The following DST variants were observed in gnomAD, a reference collection of about 807,000 sequenced individuals.
DST encodes dystonin, also known as bullous pemphigoid antigen.
DST carries 253 observed loss-of-function variants against 875.2 expected under a neutral mutation model. The ratio of observed to expected loss-of-function variants is 0.29; its 90% CI spans 0.26 to 0.32. DST has a LOEUF of 0.32. Ranked by LOEUF, DST falls within the 10% of genes least tolerant of loss-of-function variation. The pLI is 1.00. For synonymous variants in DST, 3,124 were observed against 3,197.1 expected (o/e 0.98, Z 0.77); for missense variants, 8,287 against 9,111.6 (o/e 0.91, Z 3.68).
chr6:56,615,164 TTTAATAAA>T (rs1229714426), intron 36 of DST: 1 of 1,091,086 alleles, frequency 9.2e-7, no homozygotes, highest in Non-Finnish European at 1.1e-6. Flanking sequence ...CAATTTATCA[TTTAATAAA>T]TGATCACTAT....
In DST at chr6:56,604,135, G is replaced by A. The variant is rs2098472590; in HGVS notation, c.10493C>T (p.Ala3498Val). 2 of 1,582,740 alleles carry A rather than the reference G, an allele frequency of 1.3e-6. No homozygotes were observed. Among genetic ancestry groups the A allele is most frequent in the Admixed American group, 3.6e-5 (2 of 54,812 alleles). ...QLENIFYKLL[A>V]DGYSEKIEHV... is the part of the protein sequence containing the mutation. ...TTCTATTTTCTCTGAATATCCATCA[G>A]CAAGCAGTTTGTAGAAAATATTTTC... Residue 3498 changes from alanine to valine, a missense_variant, in exon 40 of 104, where the codon GCT (alanine) becomes GTT (valine). Physicochemically the swap from Ala to Val is moderately conservative, Grantham distance 64 (BLOSUM62 0). Around this residue, in one of 10 missense-constraint regions of DST, gnomAD observed 3,138 missense variants for 3,116.6 expected, o/e 1.01. Coordinates refer to ENST00000680361, the MANE Select transcript of DST (RefSeq NM_001374736.1).
intron 9 of DST, among the ~76,000 whole-genome samples, chr6:56,696,732 T>C (rs541002123): frequency 2.0e-5 from 3 of 152,336 alleles, no homozygotes; most frequent in Non-Finnish European, 2.9e-5. Context: ...TTGTGGTCTC[T>C]AGTGGCATTT....
chr6:56,750,492 A>T (rs2099584006), intron 4 of DST, among the ~76,000 whole-genome samples: 1 of 152,194 alleles, frequency 6.6e-6, no homozygotes, highest in Admixed American at 6.5e-5. Context: ...TTTATTGCCT[A>T]CTATGAGAAG....
intron 4 of DST, among the ~76,000 whole-genome samples, chr6:56,792,947 T>C (rs926548750): frequency 7.9e-5 from 12 of 151,704 alleles, no homozygotes; most frequent in Admixed American, 6.6e-5. Flanking sequence ...CATGTACCTG[T>C]AGTCCCAGCT....
chr6:56,567,428 G>GT (rs1489100594), intron 55 of DST, among the ~76,000 whole-genome samples: 4 of 74,398 alleles, frequency 5.4e-5, no homozygotes, highest in Non-Finnish European at 8.1e-5. Context: ...GTTACCAAGA[G>GT]TAAAAAAAAA....
chr6:56,582,118 T>C (rs990417617), intron 49 of DST, among the ~76,000 whole-genome samples: 1 of 152,224 alleles, frequency 6.6e-6, no homozygotes, highest in Non-Finnish European at 1.5e-5. Context: ...CCTAACTGTG[T>C]TAGATCCTGC....
At chr6:56,880,077 A>G (rs1379905186) in intron 3 of DST, among the ~76,000 whole-genome samples, 1 of 152,258 alleles carries the variant, frequency 6.6e-6, no homozygotes, top group Non-Finnish European at 1.5e-5. Context: ...GATATGTAAC[A>G]TACAACCCAA....
At chr6:56,702,581 C>T (rs188110392) in intron 7 of DST, among the ~76,000 whole-genome samples, 3 of 152,262 alleles carry the variant, frequency 2.0e-5, no homozygotes, top group Admixed American at 2.0e-4. Context: ...AAAGTGGACA[C>T]TACGATAATT....
intron 4 of DST, among the ~76,000 whole-genome samples, chr6:56,763,851 C>T (rs2099625241): frequency 6.6e-6 from 1 of 151,928 alleles, no homozygotes. Context: ...CCAGTTTTCA[C>T]TTTGAAAATG....
intron 4 of DST, chr6:56,843,087 T>G: frequency 6.4e-7 from 1 of 1,567,876 alleles, no homozygotes. Context: ...CTCGTAGGCC[T>G]GGAGATACTC....
chr6:56,786,781 C>T (rs971637593), intron 4 of DST, among the ~76,000 whole-genome samples: 11 of 152,154 alleles, frequency 7.2e-5, no homozygotes, highest in Admixed American at 7.2e-4. Context: ...CCTCAGCCTC[C>T]CAAAGTGCTG....
At chr6:56,566,247 A>C (rs1255615301) in intron 55 of DST, among the ~76,000 whole-genome samples, 4 of 152,098 alleles carry the variant, frequency 2.6e-5, no homozygotes, top group Non-Finnish European at 5.9e-5. Context: ...GCAGTATAGA[A>C]AAAAAAACTC....
At chr6:56,921,407 AT>A (rs1416865752) in intron 2 of DST, among the ~76,000 whole-genome samples, 11 of 152,214 alleles carry the variant, frequency 7.2e-5, no homozygotes. Context: ...TTGCTAGTAA[AT>A]TTTATTTTTA....
In DST at chr6:56,555,367, A is replaced by G. The variant is rs762135957; in HGVS notation, c.15114T>C (p.Phe5038=). 1.9e-6 allele frequency: 3 copies of G among 1,595,318 alleles called. No individual in the cohort carries two copies. Among genetic ancestry groups the G allele is most frequent in the Non-Finnish European group, 2.6e-6 (3 of 1,170,508 alleles). ...SRQLEGILKS[F]KDVEQKAENH... Reference sequence around the variant, plus strand: ...AACCTGCTTTCTGTTCAACATCCTTAAATGATTTTAAGATGCCTTCTAGTT... The same window carrying G: ...AACCTGCTTTCTGTTCAACATCCTTGAATGATTTTAAGATGCCTTCTAGTT... Residue 5038 remains phenylalanine, a synonymous_variant, in exon 60 of 104, where the codon TTT becomes TTC. Transcript: ENST00000680361.
In DST at chr6:56,609,006, C is replaced by G. The variant is rs752110716; in HGVS notation, c.5622G>C (p.Glu1874Asp). 6.2e-7 allele frequency: 1 copy of G among 1,613,762 alleles called. No individual in the cohort carries two copies. Among genetic ancestry groups the G allele is most frequent in the South Asian group, 1.1e-5 (1 of 91,084 alleles). Reference protein sequence around the residue: ...ITESMAIKVLEILLSTGSLVI... With the variant: ...ITESMAIKVLDILLSTGSLVI... Reference sequence around the variant, plus strand: ...CCAGAGAGCCTGTAGAAAGCAGTATCTCAAGAACTTTGATGGCCATGGATT... The same window carrying G: ...CCAGAGAGCCTGTAGAAAGCAGTATGTCAAGAACTTTGATGGCCATGGATT... Residue 1874 changes from glutamate (E) to aspartate (D), a missense_variant, in exon 40 of 104, where the codon GAG becomes GAC. Around this residue, in one of 10 missense-constraint regions of DST, gnomAD observed 3,138 missense variants for 3,116.6 expected, o/e 1.01. Coordinates refer to ENST00000680361, the MANE Select transcript of DST (RefSeq NM_001374736.1).
intron 4 of DST, among the ~76,000 whole-genome samples, chr6:56,740,347 G>A (rs1430556197): frequency 6.6e-6 from 1 of 152,086 alleles, no homozygotes; most frequent in African/African-American, 2.4e-5. Context: ...ACCTGGAGAG[G>A]ACACCTGACA....
chr6:56,646,093 T>C lies in DST; in HGVS notation c.1644A>G (p.Leu548=), dbSNP rs375017289. The C allele has an allele frequency of 3.2e-5, 49 of 1,548,016 alleles. No homozygotes were observed. The African/African-American group carries it at 6.2e-4, about 20-fold the overall frequency. ...AAAGCAAATTTGAGCTTACCTCTAA[T>C]AATTTATATAGACGTTTAATTTTTG... The part of the protein sequence containing the change: ...EKSKIKRLYK[L]LEIWIEFGRI... Residue 548 remains leucine (L), a synonymous_variant, in exon 14 of 104, where the codon TTA becomes TTG. Coordinates refer to ENST00000680361, the MANE Select transcript of DST (RefSeq NM_001374736.1).
intron 4 of DST, among the ~76,000 whole-genome samples, chr6:56,763,684 T>TAC (rs553580754): frequency 0.068 from 7,938 of 116,944 alleles, 369 homozygotes; most frequent in African/African-American, 0.13. Context: ...AAAATACCTA[T>TAC]ACACACACAC....
At chr6:56,580,725 CTTTTT>C (rs1167715487) in intron 49 of DST, among the ~76,000 whole-genome samples, 2 of 121,034 alleles carry the variant, frequency 1.7e-5, no homozygotes, top group African/African-American at 3.1e-5. Context: ...TTTACTTTTT[CTTTTT>C]TTTTTTTTTT....
Sources: gnomAD v4.1 joint callset for allele counts (sites outside exome capture counted in the v4.1 genomes callset) on GRCh38, gnomAD v4.1.1 for gene constraint, gnomAD v4.1.1 regional missense constraint, MANE v1.5 for transcripts, NCBI Gene and HGNC (gene_info 2026-07-23, HGNC 2026-07-21) for gene names.